MIPOL1: variants seen among roughly 807,000 people sequenced by gnomAD.
MIPOL1 encodes mirror-image polydactyly gene 1 protein.
A neutral mutation model predicts 60.9 loss-of-function variants in MIPOL1; 57 were observed. That is an observed-to-expected ratio of 0.94 (90% CI 0.76 to 1.17). MIPOL1 has a LOEUF of 1.17. Among genes scored for constraint, MIPOL1 ranks in the 50% most tolerant of loss-of-function variants. MIPOL1 has a pLI of 0.00. For synonymous variants in MIPOL1, 179 were observed against 168.8 expected, an observed-to-expected ratio of 1.06 and a Z score of -0.47; for missense variants, 551 against 511.6, an observed-to-expected ratio of 1.08 and a Z score of -0.74.
chr14:37,443,892 G>A (rs1199542427), intron 11 of MIPOL1, among the ~76,000 whole-genome samples: 1 of 152,056 alleles, frequency 6.6e-6, no homozygotes, highest in Non-Finnish European at 1.5e-5. Flanking sequence ...AACAGAATAA[G>A]GAAGAGAAAA....
At chr14:37,240,455 G>A (rs1972170359) in intron 1 of MIPOL1, 1 of 152,240 alleles carries the variant, frequency 6.6e-6, no homozygotes, top group Non-Finnish European at 1.5e-5. Flanking sequence ...AGGAACTTCA[G>A]GTGGCTGTAT....
chr14:37,207,994 G>T (rs1039898750), intron 1 of MIPOL1, among the ~76,000 whole-genome samples: 8 of 152,308 alleles, frequency 5.3e-5, no homozygotes, highest in African/African-American at 1.9e-4. Context: ...TTGAAGGATT[G>T]ATTTGGTGTT....
intron 9 of MIPOL1, among the ~76,000 whole-genome samples, chr14:37,314,197 T>G (rs2087637806): frequency 6.6e-6 from 1 of 152,198 alleles, no homozygotes; most frequent in Non-Finnish European, 1.5e-5. Flanking sequence ...TGTGATAATT[T>G]AGTGGCTTAT....
chr14:37,411,632 G>T (rs1321509322), intron 10 of MIPOL1, among the ~76,000 whole-genome samples: 1 of 152,056 alleles, frequency 6.6e-6, no homozygotes, highest in African/African-American at 2.4e-5. Flanking sequence ...TTGGAACACA[G>T]CCACATCTGT....
At chr14:37,367,141 T>C (rs745373238) in intron 9 of MIPOL1, among the ~76,000 whole-genome samples, 32 of 152,054 alleles carry the variant, frequency 2.1e-4, no homozygotes, top group Admixed American at 4.6e-4. Context: ...GTAATTAATA[T>C]ACTATGCCAC....
intron 12 of MIPOL1, among the ~76,000 whole-genome samples, chr14:37,541,616 A>C (rs766689074): frequency 2.0e-5 from 3 of 152,176 alleles, no homozygotes; most frequent in Non-Finnish European, 4.4e-5. Context: ...AACCCTCACT[A>C]TTCTTTTTCA....
chr14:37,420,728 G>A (rs1051467358), intron 10 of MIPOL1, among the ~76,000 whole-genome samples: 8 of 152,088 alleles, frequency 5.3e-5, no homozygotes, highest in Admixed American at 4.6e-4. Flanking sequence ...GAATCCAAGA[G>A]TAGAAATGAT....
intron 1 of MIPOL1, among the ~76,000 whole-genome samples, chr14:37,241,599 G>T (rs1255037417): frequency 1.4e-5 from 2 of 146,536 alleles, no homozygotes; most frequent in Non-Finnish European, 3.0e-5. Context: ...GGGGTGGGGA[G>T]GTGGGCGGAA....
chr14:37,264,718 A>G (rs950284903), intron 3 of MIPOL1, among the ~76,000 whole-genome samples: 1 of 152,122 alleles, frequency 6.6e-6, no homozygotes, highest in Non-Finnish European at 1.5e-5. Context: ...GGTAAAGGGC[A>G]TACAGTAATT....
chr14:37,408,776 G>T (rs1016098565), intron 10 of MIPOL1, among the ~76,000 whole-genome samples: 1 of 152,084 alleles, frequency 6.6e-6, no homozygotes, highest in Non-Finnish European at 1.5e-5. Flanking sequence ...GCTTCCTACC[G>T]TGTGGCAGGC....
chr14:37,200,865 TG>T (rs1965161529), intron 1 of MIPOL1, among the ~76,000 whole-genome samples: 1 of 82,312 alleles, frequency 1.2e-5, no homozygotes, highest in African/African-American at 6.1e-5. Context: ...TGTGTGTGTG[TG>T]TGTGTGTGTG....
chr14:37,286,414 A>G (rs1001605946), intron 7 of MIPOL1, among the ~76,000 whole-genome samples: 1 of 152,210 alleles, frequency 6.6e-6, no homozygotes, highest in Non-Finnish European at 1.5e-5. Context: ...CCTTATAACA[A>G]GCTCCCAGAT....
intron 11 of MIPOL1, among the ~76,000 whole-genome samples, chr14:37,442,371 C>T (rs1260316077): frequency 6.6e-6 from 1 of 152,020 alleles, no homozygotes; most frequent in Admixed American, 6.6e-5. Flanking sequence ...GTTTCTTTCT[C>T]TTGCCTGATT....
chr14:37,207,882 A>G (rs973895398), intron 1 of MIPOL1, among the ~76,000 whole-genome samples: 1 of 152,122 alleles, frequency 6.6e-6, no homozygotes, highest in Admixed American at 6.6e-5. Flanking sequence ...AAAACCAATT[A>G]TTAACAGTTT....
At chr14:37,371,997 G>A (rs901881302) in intron 10 of MIPOL1, among the ~76,000 whole-genome samples, 1 of 152,044 alleles carries the variant, frequency 6.6e-6, no homozygotes, top group Admixed American at 6.6e-5. Context: ...TATTTAGTTA[G>A]TATCTAATAA....
chr14:37,329,927 A>C, intron 9 of MIPOL1, among the ~76,000 whole-genome samples: 1 of 152,104 alleles, frequency 6.6e-6, no homozygotes, highest in South Asian at 2.1e-4. Flanking sequence ...ACTGAATTTT[A>C]TTTTCCTGAT....
Position 37,252,709 on chromosome 14 carries a change from T to C in MIPOL1, c.19+4802T>C, listed in dbSNP as rs139763044. 5.1e-3 allele frequency among the ~76,000 whole-genome samples: 770 copies of C among 152,046 alleles called. 5 individuals carry two copies. Among genetic ancestry groups the C allele is most frequent in the African/African-American group, 0.017 (724 of 41,554 alleles). On this transcript the variant is annotated intron_variant, in intron 3 of 12. Transcript: ENST00000684589. The stretch of plus-strand genomic sequence containing the variant: ...AGTACATATTCTGTTTTACCTTTTG[T>C]CTGTCTGCAATTCTGTAATTGAATT...
At chr14:37,496,475 A>C (rs1457720457) in intron 11 of MIPOL1, among the ~76,000 whole-genome samples, 1 of 144,980 alleles carries the variant, frequency 6.9e-6, no homozygotes, top group Non-Finnish European at 1.5e-5. Context: ...AAATCAATGT[A>C]CAAAAATCAC....
At chr14:37,232,717 C>CT (rs1321657302) in intron 1 of MIPOL1, among the ~76,000 whole-genome samples, 2 of 152,240 alleles carry the variant, frequency 1.3e-5, no homozygotes, top group South Asian at 4.1e-4. Context: ...ACCAAATTCA[C>CT]TTTTTTTCCT....
Sources: gnomAD v4.1 joint callset for allele counts (sites outside exome capture counted in the v4.1 genomes callset) on GRCh38, gnomAD v4.1.1 for gene constraint, MANE v1.5 for transcripts, NCBI Gene and HGNC (gene_info 2026-07-23, HGNC 2026-07-21) for gene names.